Variants in SLC25A12 observed in about 807,000 individuals in gnomAD.
SLC25A12 encodes electrogenic aspartate/glutamate antiporter SLC25A12, mitochondrial.
In SLC25A12, 32 loss-of-function variants were observed where a neutral mutation model predicts 83.3. That is an observed-to-expected ratio of 0.38 (90% confidence interval 0.29 to 0.52). SLC25A12 has a LOEUF of 0.52. Among genes scored for constraint, SLC25A12 ranks in the 20% least tolerant of loss-of-function variants. SLC25A12 has a pLI of 0.84. For missense variants in SLC25A12, 611 were observed against 835.6 expected (o/e 0.73, Z 3.31); for synonymous variants, 267 against 291.1 (o/e 0.92, Z 0.84).
intron 8 of SLC25A12, among the ~76,000 whole-genome samples, chr2:171,829,914 A>G (rs1684394422): frequency 6.6e-6 from 1 of 152,210 alleles, no homozygotes; most frequent in East Asian, 1.9e-4. Flanking sequence ...TAACACCCCC[A>G]TGGGAATGAA....
intron 15 of SLC25A12, chr2:171,788,207 A>G (rs1690526028): frequency 7.8e-6 from 3 of 386,448 alleles, no homozygotes; most frequent in Non-Finnish European, 1.4e-5. Context: ...TAACTGTGAG[A>G]GAGAAAAAAA....
intron 2 of SLC25A12, among the ~76,000 whole-genome samples, chr2:171,883,109 T>G (rs1457728596): frequency 6.6e-6 from 1 of 152,198 alleles, no homozygotes; most frequent in African/African-American, 2.4e-5. Context: ...AAATACATAT[T>G]AACATCTTAG....
intron 3 of SLC25A12, among the ~76,000 whole-genome samples, chr2:171,867,580 C>T (rs1685362376): frequency 6.6e-6 from 1 of 152,170 alleles, no homozygotes; most frequent in South Asian, 2.1e-4. Flanking sequence ...CAGTACAGTC[C>T]AGCTTCGGCT....
At chr2:171,818,438 T>G (rs901389992) in intron 9 of SLC25A12, among the ~76,000 whole-genome samples, 1 of 151,800 alleles carries the variant, frequency 6.6e-6, no homozygotes, top group African/African-American at 2.4e-5. Flanking sequence ...TTTAAAGAGA[T>G]GTTCTCTTCA....
intron 3 of SLC25A12, among the ~76,000 whole-genome samples, chr2:171,865,712 C>CCAAAA (rs960366198): frequency 2.6e-5 from 4 of 151,200 alleles, no homozygotes; most frequent in African/African-American, 7.3e-5. Flanking sequence ...TTAATGTAGA[C>CCAAAA]CAAAACAAAA....
intron 2 of SLC25A12, among the ~76,000 whole-genome samples, chr2:171,872,189 A>C (rs1028526993): frequency 2.6e-5 from 4 of 152,166 alleles, no homozygotes; most frequent in African/African-American, 9.7e-5. Context: ...AGGCCTCTAG[A>C]TATTTCACAC....
At chr2:171,813,530 G>T in intron 10 of SLC25A12, 33 bp from the exon 11 acceptor site, 1 of 1,610,534 alleles carries the variant, frequency 6.2e-7, no homozygotes, top group Non-Finnish European at 8.5e-7. Context: ...GCTTAAAAAA[G>T]AACACAATTA....
At position 171,886,447 on chromosome 2, in the gene SLC25A12, G is replaced by GTT. The variant is rs199558269; in HGVS notation, c.66+6756_66+6757dup. Reference sequence around the variant, plus strand: ...GGGGTTTTGCCACGTTGCCTAGGCTGTTTTTTTTTTTTTTCTTTTTTGAGG... The same window carrying GTT: ...GGGGTTTTGCCACGTTGCCTAGGCTGTTTTTTTTTTTTTTTTCTTTTTTGAGG... On this transcript the variant is annotated intron_variant, in intron 2 of 17. Transcript: ENST00000422440. 4.2e-4 allele frequency among the ~76,000 whole-genome samples: 56 copies of GTT among 132,674 alleles called. 1 individual carries two copies. The highest frequency in any genetic ancestry group is 1.2e-3 in the South Asian group (5 of 4,226). 87.0% of individuals were successfully genotyped at this position (132,674 alleles called of 152,430 possible).
At position 171,855,948 on chromosome 2, in the gene SLC25A12, A is replaced by G. The variant is rs777411653; in HGVS notation, c.211T>C (p.Leu71=). Reference sequence around the variant, plus strand: ...GCCAAAAACTCTTGATAGGAGATCAACCTGGAATAAAATATAAAACGTCAT... The same window carrying G: ...GCCAAAAACTCTTGATAGGAGATCAGCCTGGAATAAAATATAAAACGTCAT... ...AGVADQTKDG[L]ISYQEFLAFE... Residue 71 remains leucine, a splice_region_variant and synonymous_variant, in exon 4 of 18, where the codon TTG becomes CTG. Transcript: ENST00000422440. 3.2e-6 allele frequency: 5 copies of G among 1,555,004 alleles called. No homozygotes were observed. In the South Asian group the frequency reaches 5.6e-5, roughly 17 times the overall value.
chr2:171,834,733 T>C lies in SLC25A12; in HGVS notation c.745A>G (p.Thr249Ala). The C allele has an allele frequency of 1.9e-6, 3 of 1,613,424 alleles. No homozygotes were observed. The highest frequency in any genetic ancestry group is 2.5e-6 in the Non-Finnish European group (3 of 1,179,904). ...GTATATTTTAAAATCTTACCCTTTG[T>C]GACTTCAACATCTTTCCTTGTGCCA... Reference protein sequence around the residue: ...LAGTRKDVEVTKEEFAQSAIR... With the variant: ...LAGTRKDVEVAKEEFAQSAIR... Residue 249 changes from threonine to alanine, a missense_variant, in exon 7 of 18, where the codon ACA becomes GCA. By Grantham distance (58) the Thr-to-Ala change is moderately conservative. Around this residue, in one of 3 missense-constraint regions of SLC25A12, gnomAD observed 540 missense variants for 777.5 expected, o/e 0.69. Transcript: ENST00000422440.
At chr2:171,787,735 G>A in intron 16 of SLC25A12, 54 bp downstream of exon 16, 2 of 1,610,698 alleles carry the variant, frequency 1.2e-6, no homozygotes, top group South Asian at 1.1e-5. Context: ...CTGAGTCACA[G>A]GGGAGGACGC....
chr2:171,812,549 A>G (rs1379641152), intron 11 of SLC25A12, among the ~76,000 whole-genome samples: 3 of 152,028 alleles, frequency 2.0e-5, no homozygotes, highest in Non-Finnish European at 2.9e-5. Context: ...AGGAAACCCT[A>G]TATTCTAATG....
intron 4 of SLC25A12, among the ~76,000 whole-genome samples, chr2:171,849,016 C>A (rs770782133): frequency 2.0e-5 from 3 of 151,810 alleles, no homozygotes; most frequent in African/African-American, 7.3e-5. Flanking sequence ...ATGGTAAAAC[C>A]CTGTCTCTAC....
At chr2:171,876,553 G>A (rs1293280578) in intron 2 of SLC25A12, among the ~76,000 whole-genome samples, 8 of 131,912 alleles carry the variant, frequency 6.1e-5, no homozygotes, top group Non-Finnish European at 1.0e-4. Context: ...TGGGGGGGGG[G>A]GGACTCAAGT....
At chr2:171,817,339 T>G (rs1004514221) in intron 9 of SLC25A12, among the ~76,000 whole-genome samples, 8 of 152,144 alleles carry the variant, frequency 5.3e-5, no homozygotes. Flanking sequence ...CAGTGGCTCA[T>G]ACCTGTAATC....
chr2:171,872,571 A>G (rs1365589578), intron 2 of SLC25A12, among the ~76,000 whole-genome samples: 2 of 152,186 alleles, frequency 1.3e-5, no homozygotes, highest in Non-Finnish European at 2.9e-5. Context: ...GTTACTAGTC[A>G]ATTACTAGTT....
At chr2:171,832,108 C>T (rs1221517456) in intron 8 of SLC25A12, among the ~76,000 whole-genome samples, 1 of 152,110 alleles carries the variant, frequency 6.6e-6, no homozygotes, top group Non-Finnish European at 1.5e-5. Context: ...TCAAGGAAAC[C>T]ATTCCTAGTT....
At chr2:171,789,497 G>A (rs529829782) in intron 15 of SLC25A12, among the ~76,000 whole-genome samples, 5 of 152,266 alleles carry the variant, frequency 3.3e-5, no homozygotes, top group South Asian at 2.1e-4. Context: ...CAAAGTGCTG[G>A]GATTACAGGA....
intron 3 of SLC25A12, among the ~76,000 whole-genome samples, chr2:171,865,078 C>T (rs1024664040): frequency 1.3e-5 from 2 of 152,078 alleles, no homozygotes; most frequent in Non-Finnish European, 2.9e-5. Context: ...CCATAATTCA[C>T]TTTTTTATTA....
Sources: allele counts gnomAD v4.1 joint callset (sites outside exome capture counted in the v4.1 genomes callset), GRCh38; gene constraint gnomAD v4.1.1; regional missense constraint gnomAD v4.1.1; transcripts MANE v1.5; gene names NCBI Gene and HGNC (gene_info 2026-07-23, HGNC 2026-07-21).